PRR19: variants seen among roughly 807,000 people sequenced by gnomAD.
The protein encoded by PRR19 is proline rich 19, also known as proline-rich protein 19.
Under a neutral mutation model 19.2 loss-of-function variants are expected in PRR19, and 9 were observed. The ratio of observed to expected loss-of-function variants is 0.47; its 90% confidence interval spans 0.28 to 0.82. PRR19 has a LOEUF of 0.82. PRR19 is among the 40% of genes least tolerant of loss of function. The pLI, the probability that PRR19 is intolerant of heterozygous loss-of-function variation, is 0.11. For synonymous variants in PRR19, 190 were observed against 191.0 expected (o/e 0.99, Z 0.04); for missense variants, 457 against 466.0 (o/e 0.98, Z 0.18).
chr19:42,310,131 G>A lies in PRR19; in HGVS notation c.547G>A (p.Gly183Ser), dbSNP rs771086345. Residue 183 changes from glycine (G) to serine (S), a missense_variant, in exon 2 of 3, where the codon GGT becomes AGT. Gly to Ser is a moderately conservative substitution (Grantham distance 56). Transcript: ENST00000341747. ...AIVHTLQACH[G>S]CVPDLALVLR... ...CGTGCACACCTTGCAGGCCTGTCATGGTTGTGTGCCTGACCTTGCCCTGGT... is the reference window on the plus strand; with the variant it reads ...CGTGCACACCTTGCAGGCCTGTCATAGTTGTGTGCCTGACCTTGCCCTGGT... 7.4e-6 allele frequency: 12 copies of A among 1,613,972 alleles called. No homozygotes were observed. The East Asian group carries it at 1.8e-4, about 24-fold the overall frequency.
chr19:42,303,312 T>C (rs1299836895), intron 1 of PRR19, among the ~76,000 whole-genome samples: 2 of 152,046 alleles, frequency 1.3e-5, no homozygotes, highest in Non-Finnish European at 2.9e-5. Context: ...CAGTCTGGCG[T>C]CCCTCCGGCA....
rs548927704 is a variant in PRR19, at chr19:42,305,382, G to A, written c.-7+2879G>A. Reference sequence around the variant, plus strand: ...CAACCTCTGCCTCCCAGGTTCAAGCGATTCTCCTGCCTCAGCCTCCTGAGT... The same window carrying A: ...CAACCTCTGCCTCCCAGGTTCAAGCAATTCTCCTGCCTCAGCCTCCTGAGT... On this transcript the variant is annotated intron_variant, in intron 1 of 2. Transcript: ENST00000341747. Among the ~76,000 whole-genome samples the A allele has an allele frequency of 1.1e-4, 16 of 150,328 alleles. No homozygotes were observed. The South Asian group carries it at 3.2e-3, about 30-fold the overall frequency.
rs1027941246 is a variant in PRR19, at chr19:42,302,428, C to G, written c.-82C>G. Reference sequence around the variant, plus strand: ...GCGGCAACAAAGGACCGTCCCAACGCTAGCACACCCGCGGAGGACGAAGGC... The same window carrying G: ...GCGGCAACAAAGGACCGTCCCAACGGTAGCACACCCGCGGAGGACGAAGGC... On this transcript the variant is annotated 5_prime_UTR_variant, in exon 1 of 3. Coordinates refer to ENST00000341747, the MANE Select transcript of PRR19 (RefSeq NM_199285.3). 2.0e-5 allele frequency: 17 copies of G among 871,234 alleles called. No individual in the cohort carries two copies. In the East Asian group the frequency reaches 4.0e-4, roughly 21 times the overall value. The allele number at this position is 871,234 out of a possible 1,614,324, so 54.0% of individuals were successfully genotyped here.
In PRR19 at chr19:42,310,271, G is replaced by C; in HGVS notation, c.602G>C (p.Gly201Ala). 3.1e-6 allele frequency: 5 copies of C among 1,614,108 alleles called. No homozygotes were observed. The highest frequency in any genetic ancestry group is 4.2e-6 in the Non-Finnish European group (5 of 1,180,018). ...VLRGCQPPLP[G>A]AKPGVSERKM... Reference sequence around the variant, plus strand: ...TCTATGCTTCTTTCCTCTGTGCCAGGGGCCAAGCCTGGGGTCTCTGAGAGA... The same window carrying C: ...TCTATGCTTCTTTCCTCTGTGCCAGCGGCCAAGCCTGGGGTCTCTGAGAGA... Residue 201 changes from glycine to alanine, a missense_variant and splice_region_variant, in exon 3 of 3, where the codon GGG (glycine) becomes GCG (alanine). Physicochemically the swap from Gly to Ala is moderately conservative, Grantham distance 60. Transcript: ENST00000341747.
At chr19:42,307,384 A>G (rs1047282415) in intron 1 of PRR19, among the ~76,000 whole-genome samples, 1 of 151,678 alleles carries the variant, frequency 6.6e-6, no homozygotes, top group East Asian at 1.9e-4. Flanking sequence ...TGGTCCCCCA[A>G]ATCCCTCCAA....
At chr19:42,303,306 C>T (rs2038669826) in intron 1 of PRR19, among the ~76,000 whole-genome samples, 1 of 152,166 alleles carries the variant, frequency 6.6e-6, no homozygotes, top group Non-Finnish European at 1.5e-5. Context: ...CAGGTCCAGT[C>T]TGGCGTCCCT....
At chr19:42,302,729 TA>T (rs2038658458) in intron 1 of PRR19, 1 of 192,484 alleles carries the variant, frequency 5.2e-6, no homozygotes, top group Non-Finnish European at 1.1e-5. Context: ...GGGGAAAATC[TA>T]GCCCTCTGTC....
Position 42,310,793 on chromosome 19 carries a change from C to T in PRR19, c.*53C>T. On this transcript the variant is annotated 3_prime_UTR_variant, in exon 3 of 3. Transcript: ENST00000341747. ...AGATATCTTGTACTCCCAGTGACCT[C>T]AATAAAGTACTTTTCATGGTCCTCT... The T allele has an allele frequency of 1.6e-6, 2 of 1,214,032 alleles. No homozygotes were observed. The highest frequency in any genetic ancestry group is 1.2e-6 in the Non-Finnish European group (1 of 867,042). The allele number at this position is 1,214,032 out of a possible 1,614,324, so 75.2% of individuals were successfully genotyped here.
chr19:42,310,106 C>T lies in PRR19; in HGVS notation c.522C>T (p.Ile174=), dbSNP rs5024183. The T allele has an allele frequency of 1.7e-5, 27 of 1,613,980 alleles. No homozygotes were observed. The highest frequency in any genetic ancestry group is 3.3e-4 in the Middle Eastern group (2 of 6,084). The part of the protein sequence containing the change: ...RNLIQDARDA[I]VHTLQACHGC... ...TGATTCAGGATGCCAGGGATGCCAT[C>T]GTGCACACCTTGCAGGCCTGTCATG... The change falls in exon 2 of 3, where the codon ATC becomes ATT. Residue 174 remains isoleucine (I), a synonymous_variant. Coordinates refer to ENST00000341747, the MANE Select transcript of PRR19 (RefSeq NM_199285.3).
chr19:42,310,325 C>G lies in PRR19; in HGVS notation c.656C>G (p.Pro219Arg), dbSNP rs375764061. The G allele has an allele frequency of 1.1e-5, 17 of 1,614,158 alleles. No homozygotes were observed. Among genetic ancestry groups the G allele is most frequent in the Non-Finnish European group, 1.3e-5 (15 of 1,180,008 alleles). ...RKMTPFWINS[P>R]DQVPEQERQR... is the part of the protein sequence containing the mutation. Reference sequence around the variant, plus strand: ...ATGACACCCTTCTGGATTAATAGCCCTGATCAAGTCCCAGAGCAGGAGAGG... The same window carrying G: ...ATGACACCCTTCTGGATTAATAGCCGTGATCAAGTCCCAGAGCAGGAGAGG... The change falls in exon 3 of 3, where the codon CCT (proline) becomes CGT (arginine). Residue 219 changes from proline to arginine, a missense_variant. Physicochemically the swap from Pro to Arg is moderately radical, Grantham distance 103 (BLOSUM62 -2). Transcript: ENST00000341747.
rs138561589 is a variant in PRR19 at position 42,310,564 on chromosome 19, C to T, written c.895C>T (p.Arg299Trp). ...GCTGGTAGCCACGCCACCCCCTCCT[C>T]GGCCCTGGGGGGTTGGCCTCCCTCA... ...IWLVATPPPP[R>W]PWGVGLPQPL... is the part of the protein sequence containing the mutation. Residue 299 changes from arginine to tryptophan, a missense_variant, in exon 3 of 3, where the codon CGG (arginine) becomes TGG (tryptophan). Coordinates refer to ENST00000341747, the MANE Select transcript of PRR19 (RefSeq NM_199285.3). 14 of 1,614,154 alleles carry T rather than the reference C, an allele frequency of 8.7e-6. No homozygotes were observed. In the Admixed American group the frequency reaches 1.0e-4, roughly 12 times the overall value.
At position 42,309,710 on chromosome 19, in the gene PRR19, C is replaced by T; in HGVS notation, c.126C>T (p.His42=). 6.2e-7 allele frequency: 1 copy of T among 1,606,168 alleles called. No individual in the cohort carries two copies. The highest frequency in any genetic ancestry group is 8.5e-7 in the Non-Finnish European group (1 of 1,173,940). The change falls in exon 2 of 3, where the codon CAC becomes CAT. Residue 42 remains histidine (H), a synonymous_variant. Coordinates refer to ENST00000341747, the MANE Select transcript of PRR19 (RefSeq NM_199285.3). The part of the protein sequence containing the change: ...ALVGSRRPLA[H]HDPPVAIRDP... ...TGGGCAGCCGCCGGCCATTAGCCCA[C>T]CACGATCCTCCTGTGGCCATTCGGG...
chr19:42,305,948 T>C (rs974274252), intron 1 of PRR19, among the ~76,000 whole-genome samples: 2 of 151,452 alleles, frequency 1.3e-5, no homozygotes, highest in South Asian at 2.1e-4. Flanking sequence ...CTCGGCTCAC[T>C]GCATCCTCCA....
chr19:42,303,799 G>T (rs2038675891), intron 1 of PRR19, among the ~76,000 whole-genome samples: 1 of 152,144 alleles, frequency 6.6e-6, no homozygotes, highest in Admixed American at 6.5e-5. Flanking sequence ...TGTCAAAGTT[G>T]TGTTTGAGGG....
intron 1 of PRR19, 67 bp from the exon 2 acceptor site, chr19:42,309,512 C>T: frequency 7.9e-7 from 1 of 1,261,654 alleles, no homozygotes; most frequent in Non-Finnish European, 1.1e-6. Context: ...CCCAGCCCTC[C>T]CTATTCACTT....
intron 1 of PRR19, among the ~76,000 whole-genome samples, chr19:42,307,747 CTTT>C (rs759101368): frequency 1.2e-5 from 1 of 83,576 alleles, no homozygotes; most frequent in Non-Finnish European, 2.3e-5. Flanking sequence ...CACCCTCCAT[CTTT>C]TTTTTTTTTT....
intron 1 of PRR19, among the ~76,000 whole-genome samples, chr19:42,304,745 G>A (rs1227365747): frequency 4.4e-5 from 5 of 113,646 alleles, no homozygotes; most frequent in East Asian, 2.8e-4. Flanking sequence ...GCGAGACGCC[G>A]TCTCAAAAAA....
At chr19:42,306,515 G>T (rs937308616) in intron 1 of PRR19, among the ~76,000 whole-genome samples, 7 of 151,266 alleles carry the variant, frequency 4.6e-5, no homozygotes, top group African/African-American at 1.7e-4. Context: ...TGTTGTCCAG[G>T]GTGGTCTTGA....
rs1300907122 is a variant in PRR19 at position 42,302,306 on chromosome 19, T to G, written c.-204T>G. 16 of 1,603,018 alleles carry G rather than the reference T, an allele frequency of 1.0e-5. No homozygotes were observed. The highest frequency in any genetic ancestry group is 1.4e-5 in the Non-Finnish European group (16 of 1,176,194). The stretch of plus-strand genomic sequence containing the variant: ...TTGCTGGCTGGGTTCTCCTCTCCAC[T>G]CATCTTGGCGCCGCAGCTCCTGCAG... On this transcript the variant is annotated 5_prime_UTR_variant, in exon 1 of 3. Transcript: ENST00000341747.
Sources: gnomAD v4.1 joint callset for allele counts (sites outside exome capture counted in the v4.1 genomes callset) on GRCh38, gnomAD v4.1.1 for gene constraint, MANE v1.5 for transcripts, NCBI Gene and HGNC (gene_info 2026-07-23, HGNC 2026-07-21) for gene names.